The following QRSL1 variants were observed in gnomAD, a reference collection of about 807,000 sequenced individuals.
The protein encoded by QRSL1 is glutamyl-tRNA(Gln) amidotransferase subunit A, mitochondrial.
A neutral mutation model predicts 61.6 loss-of-function variants in QRSL1; 54 were observed. The observed-to-expected ratio is 0.88, with a 90% CI of 0.70 to 1.10. QRSL1 has a LOEUF of 1.10. Ranked by LOEUF, QRSL1 falls within the 50% of genes least tolerant of loss-of-function variation. The pLI, the probability that QRSL1 is intolerant of heterozygous loss-of-function variation, is 0.00. For synonymous variants in QRSL1, 228 were observed against 225.7 expected (o/e 1.01, Z -0.09); for missense variants, 505 against 622.6 (o/e 0.81, Z 2.01).
chr6:106,649,246 CAA>C (rs1491303859), intron 5 of QRSL1, 45 bp downstream of exon 5: 1 of 1,563,714 alleles, frequency 6.4e-7, no homozygotes, highest in Non-Finnish European at 8.7e-7. Context: ...CACCCAAATA[CAA>C]ACAGTCATAA....
At chr6:106,657,035 C>T (rs574955016) in intron 9 of QRSL1, among the ~76,000 whole-genome samples, 23 of 152,258 alleles carry the variant, frequency 1.5e-4, no homozygotes, top group African/African-American at 5.1e-4. Context: ...TTTGGAAGGC[C>T]GAGGTGGGCA....
intron 4 of QRSL1, among the ~76,000 whole-genome samples, chr6:106,644,932 T>G (rs1162147782): frequency 6.6e-6 from 1 of 152,226 alleles, no homozygotes; most frequent in East Asian, 1.9e-4. Context: ...GTATATAGTA[T>G]GAATAAAGTC....
At chr6:106,639,429 G>T (rs1365026074) in intron 1 of QRSL1, among the ~76,000 whole-genome samples, 2 of 152,062 alleles carry the variant, frequency 1.3e-5, no homozygotes, top group African/African-American at 4.8e-5. Flanking sequence ...CGGCCAGTGT[G>T]GTTGTTTTAA....
intron 1 of QRSL1, among the ~76,000 whole-genome samples, chr6:106,636,080 G>A (rs552925893): frequency 2.0e-5 from 3 of 152,272 alleles, no homozygotes; most frequent in Middle Eastern, 6.8e-3. Flanking sequence ...TTCAAAGGGT[G>A]TGTTCAAAGG....
chr6:106,638,718 C>T (rs535487728), intron 1 of QRSL1, among the ~76,000 whole-genome samples: 4 of 152,200 alleles, frequency 2.6e-5, no homozygotes, highest in Admixed American at 6.5e-5. Flanking sequence ...AGTCCTGCAG[C>T]CTCCCCATGG....
At chr6:106,663,813 C>T (rs1249710174) in intron 10 of QRSL1, among the ~76,000 whole-genome samples, 1 of 152,002 alleles carries the variant, frequency 6.6e-6, no homozygotes, top group South Asian at 2.1e-4. Context: ...TTTTTTTTAA[C>T]TTTTATTTTG....
intron 1 of QRSL1, among the ~76,000 whole-genome samples, chr6:106,639,127 T>TTTG (rs1776973006): frequency 1.5e-5 from 2 of 137,806 alleles, no homozygotes; most frequent in African/African-American, 5.6e-5. Context: ...TTGTTTTTTT[T>TTTG]TTTTTTTTTT....
intron 1 of QRSL1, among the ~76,000 whole-genome samples, chr6:106,635,114 G>C (rs2114698135): frequency 6.6e-6 from 1 of 151,880 alleles, no homozygotes; most frequent in Non-Finnish European, 1.5e-5. Context: ...CTAGGTAAGA[G>C]GATATACATT....
At chr6:106,657,556 TCTGATAAAAGGAAGTTAAAATTA>T (rs1303434083) in intron 9 of QRSL1, among the ~76,000 whole-genome samples, 1 of 152,138 alleles carries the variant, frequency 6.6e-6, no homozygotes, top group Non-Finnish European at 1.5e-5. Context: ...ATTTGGGGGT[TCTGATAAAAGGAAGTTAAAATTA>T]CTGCTGGTAT....
chr6:106,663,249 ACTTAAGATT>A (rs1777386160), intron 10 of QRSL1, 64 bp downstream of exon 10: 1 of 1,501,102 alleles, frequency 6.7e-7, no homozygotes, highest in East Asian at 2.3e-5. Flanking sequence ...CTGGTCTTCA[ACTTAAGATT>A]CTAGCTAGAT....
At chr6:106,637,169 G>A (rs184962052) in intron 1 of QRSL1, among the ~76,000 whole-genome samples, 8 of 152,336 alleles carry the variant, frequency 5.3e-5, no homozygotes, top group African/African-American at 1.9e-4. Context: ...CCGATTTTCT[G>A]CTGGCTGTGT....
intron 4 of QRSL1, among the ~76,000 whole-genome samples, chr6:106,646,761 G>A (rs563704572): frequency 7.2e-5 from 11 of 152,242 alleles, no homozygotes; most frequent in Admixed American, 5.9e-4. Context: ...GGGCACGGTG[G>A]CTCACACCTG....
intron 9 of QRSL1, among the ~76,000 whole-genome samples, chr6:106,656,296 A>T (rs1777270326): frequency 6.6e-6 from 1 of 152,234 alleles, no homozygotes; most frequent in African/African-American, 2.4e-5. Flanking sequence ...ATCTCATTAA[A>T]TGTCCTTTGG....
At chr6:106,663,209 T>A (rs72613241) in intron 10 of QRSL1, 24 bp downstream of exon 10, 1 of 1,606,578 alleles carries the variant, frequency 6.2e-7, no homozygotes, top group Non-Finnish European at 8.5e-7. Flanking sequence ...AGGAACATTC[T>A]GATTTTCTTC....
intron 7 of QRSL1, 36 bp downstream of exon 7, chr6:106,652,618 G>A: frequency 6.2e-7 from 1 of 1,613,390 alleles, no homozygotes; most frequent in Non-Finnish European, 8.5e-7. Context: ...CAGAAATACT[G>A]TCAAGTCCAA....
At chr6:106,642,899 G>T (rs921859891) in intron 3 of QRSL1, 95 bp from the exon 4 acceptor site, 4 of 915,818 alleles carry the variant, frequency 4.4e-6, no homozygotes, top group Non-Finnish European at 7.1e-6. Context: ...TGAGCTGTTG[G>T]AGCCTATTCC....
At chr6:106,633,545 G>A (rs936878038) in intron 1 of QRSL1, among the ~76,000 whole-genome samples, 1 of 152,056 alleles carries the variant, frequency 6.6e-6, no homozygotes, top group African/African-American at 2.4e-5. Context: ...AGGAGTCCTG[G>A]GAATAGGCAC....
intron 1 of QRSL1, among the ~76,000 whole-genome samples, chr6:106,635,534 G>C (rs77372350): frequency 0.021 from 3,197 of 152,238 alleles, 118 homozygotes; most frequent in African/African-American, 0.074. Context: ...GCCCTCAAGA[G>C]CTCTCCTGTA....
chr6:106,635,727 T>C (rs1436402564), intron 1 of QRSL1, among the ~76,000 whole-genome samples: 1 of 151,816 alleles, frequency 6.6e-6, no homozygotes, highest in African/African-American at 2.4e-5. Flanking sequence ...ACAAAAATTA[T>C]CCAGGTGGTG....
Sources: gnomAD v4.1 joint callset for allele counts (sites outside exome capture counted in the v4.1 genomes callset) on GRCh38, gnomAD v4.1.1 for gene constraint, MANE v1.5 for transcripts, NCBI Gene and HGNC (gene_info 2026-07-23, HGNC 2026-07-21) for gene names.